ITFG1: variants seen among roughly 807,000 people sequenced by gnomAD.
ITFG1 encodes the protein integrin alpha FG-GAP repeat containing 1.
ITFG1 carries 34 observed loss-of-function variants against 81.8 expected under a neutral mutation model. That is an observed-to-expected ratio of 0.42 (90% CI 0.32 to 0.55). The LOEUF (loss-of-function observed/expected upper bound fraction) is 0.55. ITFG1 is among the 20% of genes least tolerant of loss of function. The pLI is 0.17. For missense variants in ITFG1, 672 were observed against 755.4 expected (o/e 0.89, Z 1.29); for synonymous variants, 285 against 270.6 (o/e 1.05, Z -0.52).
intron 8 of ITFG1, among the ~76,000 whole-genome samples, chr16:47,361,982 T>A (rs561303119): frequency 6.6e-6 from 1 of 152,206 alleles, no homozygotes; most frequent in East Asian, 1.9e-4. Context: ...CTAAATGTGA[T>A]GGCTTTGTTG....
intron 7 of ITFG1, among the ~76,000 whole-genome samples, chr16:47,366,663 C>T (rs1241867417): frequency 1.3e-5 from 2 of 152,160 alleles, no homozygotes; most frequent in Non-Finnish European, 2.9e-5. Flanking sequence ...TCTGAGCTCT[C>T]AGGTTTGTAC....
chr16:47,358,496 G>A lies in ITFG1; in HGVS notation c.802+7292C>T, dbSNP rs1024580502. Among the ~76,000 whole-genome samples the A allele has an allele frequency of 1.1e-4, 16 of 152,236 alleles. 1 individual carries two copies. Among genetic ancestry groups the A allele is most frequent in the Admixed American group, 4.6e-4 (7 of 15,292 alleles). Reference sequence around the variant, plus strand: ...AGACTAAGAATTAACAATTTATAAGGATCCAGGATGTCTCCTACTGAAACC... The same window carrying A: ...AGACTAAGAATTAACAATTTATAAGAATCCAGGATGTCTCCTACTGAAACC... On this transcript the variant is annotated intron_variant, in intron 8 of 17. Transcript: ENST00000320640.
intron 6 of ITFG1, among the ~76,000 whole-genome samples, chr16:47,422,866 A>C (rs1968969038): frequency 6.6e-6 from 1 of 152,098 alleles, no homozygotes; most frequent in Non-Finnish European, 1.5e-5. Flanking sequence ...TTTTAGAATA[A>C]GTGCGATGTG....
rs556017021 is a variant in ITFG1, at chr16:47,224,064, G to T, written c.1375-5118C>A. 7.9e-4 allele frequency among the ~76,000 whole-genome samples: 99 copies of T among 125,882 alleles called. 1 individual carries two copies. Among genetic ancestry groups the T allele is most frequent in the African/African-American group, 2.6e-3 (89 of 33,944 alleles). 82.6% of individuals were successfully genotyped at this position (125,882 alleles called of 152,430 possible). Reference sequence around the variant, plus strand: ...GGAACATCACACTCTGGGGACTGTTGTGGGGTGGGGGGAGGGGAGGGATAG... The same window carrying T: ...GGAACATCACACTCTGGGGACTGTTTTGGGGTGGGGGGAGGGGAGGGATAG... On this transcript the variant is annotated intron_variant, in intron 13 of 17. Coordinates refer to ENST00000320640, the MANE Select transcript of ITFG1 (RefSeq NM_030790.5).
chr16:47,352,776 C>T (rs1042588853), intron 8 of ITFG1, among the ~76,000 whole-genome samples: 5 of 152,176 alleles, frequency 3.3e-5, no homozygotes, highest in Non-Finnish European at 7.3e-5. Flanking sequence ...TATTGCGACA[C>T]TATTCACAAT....
chr16:47,328,269 A>G (rs1471154361), intron 8 of ITFG1, among the ~76,000 whole-genome samples: 1 of 152,116 alleles, frequency 6.6e-6, no homozygotes, highest in Non-Finnish European at 1.5e-5. Flanking sequence ...GGAACTGAAC[A>G]ATGAGAACAC....
At chr16:47,188,076 C>G (rs997830412) in intron 14 of ITFG1, among the ~76,000 whole-genome samples, 4 of 151,552 alleles carry the variant, frequency 2.6e-5, no homozygotes, top group African/African-American at 9.7e-5. Flanking sequence ...CCATCTCACA[C>G]CAGTTAGAAT....
At chr16:47,326,341 T>C (rs1352650001) in intron 8 of ITFG1, among the ~76,000 whole-genome samples, 1 of 152,140 alleles carries the variant, frequency 6.6e-6, no homozygotes, top group Non-Finnish European at 1.5e-5. Flanking sequence ...ATAAGAGCTA[T>C]CTATGACAAA....
At chr16:47,438,954 G>A (rs1169555931) in intron 5 of ITFG1, among the ~76,000 whole-genome samples, 1 of 152,116 alleles carries the variant, frequency 6.6e-6, no homozygotes, top group Admixed American at 6.5e-5. Flanking sequence ...TTAGACGAAT[G>A]GATAACTAGA....
chr16:47,429,766 GTGTTATGTA>G (rs1451682933), intron 5 of ITFG1, among the ~76,000 whole-genome samples: 1 of 152,086 alleles, frequency 6.6e-6, no homozygotes, highest in Non-Finnish European at 1.5e-5. Flanking sequence ...TTCTTAAATT[GTGTTATGTA>G]TGTTATGTAT....
intron 14 of ITFG1, among the ~76,000 whole-genome samples, chr16:47,195,181 C>T (rs1244577546): frequency 6.6e-6 from 1 of 152,034 alleles, no homozygotes; most frequent in Non-Finnish European, 1.5e-5. Context: ...AACCTCATCT[C>T]TTCTTTAGTT....
intron 8 of ITFG1, among the ~76,000 whole-genome samples, chr16:47,355,703 C>A (rs1968030667): frequency 6.6e-6 from 1 of 152,070 alleles, no homozygotes; most frequent in African/African-American, 2.4e-5. Context: ...AATTTATATT[C>A]TGAAAGCTTG....
chr16:47,442,583 C>G (rs1969267322), intron 5 of ITFG1, among the ~76,000 whole-genome samples: 1 of 152,152 alleles, frequency 6.6e-6, no homozygotes, highest in African/African-American at 2.4e-5. Context: ...ACAGAGCCCT[C>G]AGAAATAATG....
intron 6 of ITFG1, among the ~76,000 whole-genome samples, chr16:47,394,787 T>C (rs897161554): frequency 6.6e-6 from 1 of 152,168 alleles, no homozygotes; most frequent in Non-Finnish European, 1.5e-5. Flanking sequence ...CTGATTCCTA[T>C]GAATGGTATC....
chr16:47,285,472 G>C (rs1365140508), intron 10 of ITFG1, among the ~76,000 whole-genome samples: 1 of 152,144 alleles, frequency 6.6e-6, no homozygotes, highest in African/African-American at 2.4e-5. Context: ...ACCAAAGGAG[G>C]GGGTCATGGG....
intron 10 of ITFG1, among the ~76,000 whole-genome samples, chr16:47,304,820 G>C (rs1967132062): frequency 6.6e-6 from 1 of 152,090 alleles, no homozygotes; most frequent in Admixed American, 6.5e-5. Context: ...TTTTGAAGAG[G>C]ACTGCTACTA....
intron 14 of ITFG1, among the ~76,000 whole-genome samples, chr16:47,181,413 C>T (rs1396543697): frequency 2.1e-5 from 3 of 144,192 alleles, no homozygotes; most frequent in African/African-American, 5.3e-5. Context: ...GGGGGTCAGC[C>T]CCCCCGCCCG....
intron 14 of ITFG1, among the ~76,000 whole-genome samples, chr16:47,186,487 G>T (rs538789657): frequency 5.3e-5 from 8 of 152,232 alleles, no homozygotes; most frequent in Admixed American, 2.0e-4. Context: ...ATCCAGCATA[G>T]AAACAGAACC....
At chr16:47,327,370 C>T (rs1216902271) in intron 8 of ITFG1, among the ~76,000 whole-genome samples, 1 of 152,104 alleles carries the variant, frequency 6.6e-6, no homozygotes, top group East Asian at 1.9e-4. Flanking sequence ...ACCATAAAAA[C>T]CCTAGAAGAA....
Sources: allele counts gnomAD v4.1 joint callset (sites outside exome capture counted in the v4.1 genomes callset), GRCh38; gene constraint gnomAD v4.1.1; transcripts MANE v1.5; gene names NCBI Gene and HGNC (gene_info 2026-07-23, HGNC 2026-07-21).